The following LINGO2 variants were observed in gnomAD, a reference collection of about 807,000 sequenced individuals.
LINGO2 encodes leucine-rich repeat and immunoglobulin-like domain-containing nogo receptor-interacting protein 2.
Under a neutral mutation model 30.6 loss-of-function variants are expected in LINGO2, and 14 were observed. That is an observed-to-expected ratio of 0.46 (90% CI 0.30 to 0.72). The LOEUF (loss-of-function observed/expected upper bound fraction) is 0.72. Among genes scored for constraint, LINGO2 ranks in the 30% least tolerant of loss-of-function variants. The pLI, the probability that LINGO2 is intolerant of heterozygous loss-of-function variation, is 0.07. For synonymous variants in LINGO2, 317 were observed against 288.5 expected (o/e 1.10, Z -1.00); for missense variants, 729 against 751.7 (o/e 0.97, Z 0.35).
the LINGO2 span, among the ~76,000 whole-genome samples, chr9:28,685,163 T>C: frequency 6.6e-6 from 1 of 152,224 alleles, no homozygotes; most frequent in African/African-American, 2.4e-5. Flanking sequence ...ATGTTCTCAT[T>C]CTTTTTTATG....
chr9:28,233,548 T>C (rs950604543), intron 4 of LINGO2, among the ~76,000 whole-genome samples: 1 of 152,152 alleles, frequency 6.6e-6, no homozygotes, highest in African/African-American at 2.4e-5. Context: ...CGTTATAGAA[T>C]AGTGTTATAA....
the LINGO2 span, among the ~76,000 whole-genome samples, chr9:29,099,044 C>T: frequency 4.6e-5 from 7 of 152,148 alleles, no homozygotes; most frequent in East Asian, 9.7e-4. Flanking sequence ...CATAGACCAG[C>T]GGAACAGAAT....
At chr9:28,412,003 T>C (rs1030799918) in intron 2 of LINGO2, among the ~76,000 whole-genome samples, 2 of 152,014 alleles carry the variant, frequency 1.3e-5, no homozygotes, top group Non-Finnish European at 2.9e-5. Flanking sequence ...GGATGAATTG[T>C]ATAATGGTGA....
chr9:28,288,099 G>A lies in LINGO2; in HGVS notation c.-87+7109C>T, dbSNP rs73645632. 2.9e-3 allele frequency among the ~76,000 whole-genome samples: 434 copies of A among 151,940 alleles called. 3 individuals carry two copies. The highest frequency in any genetic ancestry group is 1.0e-2 in the African/African-American group (414 of 41,450). On this transcript the variant is annotated intron_variant, in intron 4 of 5. Coordinates refer to ENST00000379992, the Ensembl canonical transcript of LINGO2. Reference sequence around the variant, plus strand: ...CTCTGTACATATCTTCCCTACTTCCGCCCCACCCTTTGCCATAATCTTTTT... The same window carrying A: ...CTCTGTACATATCTTCCCTACTTCCACCCCACCCTTTGCCATAATCTTTTT...
chr9:28,050,609 A>C (rs1471245860), intron 4 of LINGO2, among the ~76,000 whole-genome samples: 1 of 150,840 alleles, frequency 6.6e-6, no homozygotes, highest in Non-Finnish European at 1.5e-5. Context: ...TACTATGCTA[A>C]TTAGAAACAA....
the LINGO2 span, among the ~76,000 whole-genome samples, chr9:28,895,203 G>GA: frequency 0.047 from 7,167 of 151,984 alleles, 573 homozygotes; most frequent in African/African-American, 0.16. Flanking sequence ...AAGCCAGTTT[G>GA]AAAAAAACAG....
the LINGO2 span, among the ~76,000 whole-genome samples, chr9:28,802,062 TATA>T: frequency 1.3e-5 from 2 of 151,952 alleles, no homozygotes; most frequent in African/African-American, 4.8e-5. Flanking sequence ...AATTTTAAAA[TATA>T]ATAGATTTTA....
At chr9:28,884,553 A>C in the LINGO2 span, among the ~76,000 whole-genome samples, 1 of 151,932 alleles carries the variant, frequency 6.6e-6, no homozygotes, top group Admixed American at 6.6e-5. Context: ...ACAGAGGTTC[A>C]ATTATCGACC....
the LINGO2 span, among the ~76,000 whole-genome samples, chr9:29,142,580 T>C: frequency 6.6e-6 from 1 of 151,472 alleles, no homozygotes; most frequent in Non-Finnish European, 1.5e-5. Context: ...CAATAAAGAA[T>C]CTAAAAACAG....
chr9:28,525,451 G>A (rs577015643), intron 1 of LINGO2, among the ~76,000 whole-genome samples: 102 of 152,194 alleles, frequency 6.7e-4, no homozygotes, highest in African/African-American at 1.7e-3. Flanking sequence ...ACAAAATATG[G>A]TATACCTATA....
At chr9:28,447,693 C>T (rs150665238) in intron 2 of LINGO2, among the ~76,000 whole-genome samples, 1 of 152,124 alleles carries the variant, frequency 6.6e-6, no homozygotes. Flanking sequence ...ATAGAATCTT[C>T]TCTCAGTATT....
chr9:28,167,650 G>C (rs1430714886), intron 4 of LINGO2, among the ~76,000 whole-genome samples: 4 of 152,178 alleles, frequency 2.6e-5, no homozygotes, highest in African/African-American at 7.2e-5. Flanking sequence ...GCCTCCCAGA[G>C]TATTGGGATT....
chr9:28,639,030 C>T (rs940086874), intron 1 of LINGO2, among the ~76,000 whole-genome samples: 19 of 152,010 alleles, frequency 1.2e-4, no homozygotes, highest in Non-Finnish European at 2.2e-4. Flanking sequence ...TCTTTGTTCT[C>T]GTTGGTTTCA....
At chr9:28,446,970 A>G (rs1022748168) in intron 2 of LINGO2, among the ~76,000 whole-genome samples, 3 of 152,092 alleles carry the variant, frequency 2.0e-5, no homozygotes, top group Admixed American at 6.6e-5. Flanking sequence ...ACTCCTTCTC[A>G]TCTCAGGATA....
At chr9:28,081,892 A>T (rs1296922558) in intron 4 of LINGO2, among the ~76,000 whole-genome samples, 16 of 152,150 alleles carry the variant, frequency 1.1e-4, no homozygotes, top group Admixed American at 9.2e-4. Flanking sequence ...GCTAATGCAG[A>T]TGTATACCAT....
chr9:28,581,729 AT>A (rs1824268053), intron 1 of LINGO2, among the ~76,000 whole-genome samples: 2 of 151,928 alleles, frequency 1.3e-5, no homozygotes. Context: ...GCTGAGATAT[AT>A]TTAAAGGTTT....
At chr9:28,995,384 G>A in the LINGO2 span, among the ~76,000 whole-genome samples, 1 of 152,208 alleles carries the variant, frequency 6.6e-6, no homozygotes, top group Non-Finnish European at 1.5e-5. Flanking sequence ...GTGCTGGAGA[G>A]GATGTGGAGA....
At chr9:29,143,337 C>G in the LINGO2 span, among the ~76,000 whole-genome samples, 1 of 151,890 alleles carries the variant, frequency 6.6e-6, no homozygotes, top group African/African-American at 2.4e-5. Context: ...CATATTGAAC[C>G]AGAAAGATTC....
At chr9:28,688,047 A>T in the LINGO2 span, among the ~76,000 whole-genome samples, 5 of 152,290 alleles carry the variant, frequency 3.3e-5, no homozygotes, top group Admixed American at 2.6e-4. Flanking sequence ...AGCTCTAAAA[A>T]TTTCACACCA....
Sources: gnomAD v4.1 joint callset for allele counts (sites outside exome capture counted in the v4.1 genomes callset) on GRCh38, gnomAD v4.1.1 for gene constraint, MANE v1.5 for transcripts, NCBI Gene and HGNC (gene_info 2026-07-23, HGNC 2026-07-21) for gene names.